Variants in NDUFAF6 observed in about 807,000 individuals in gnomAD.
NDUFAF6 encodes NADH dehydrogenase (ubiquinone) complex I, assembly factor 6.
Under a neutral mutation model 40.8 loss-of-function variants are expected in NDUFAF6, and 45 were observed. The ratio of observed to expected loss-of-function variants is 1.10; its 90% confidence interval spans 0.87 to 1.42. NDUFAF6 has a LOEUF of 1.42. Ranked by LOEUF, NDUFAF6 falls within the 40% of genes most tolerant of loss-of-function variation. The pLI, the probability that NDUFAF6 is intolerant of heterozygous loss-of-function variation, is 0.00. For missense variants in NDUFAF6, 435 were observed against 418.5 expected, an observed-to-expected ratio of 1.04 and a Z score of -0.34; for synonymous variants, 185 against 155.9, an observed-to-expected ratio of 1.19 and a Z score of -1.39.
chr8:95,098,386 G>A (rs1809537556), upstream of NDUFAF6, among the ~76,000 whole-genome samples: 1 of 151,468 alleles, frequency 6.6e-6, no homozygotes, highest in Admixed American at 6.6e-5. Context: ...TGTATGTCTT[G>A]GCCAGGTGCA....
chr8:94,905,157 G>A (rs1233257393), intron 1 of NDUFAF6, among the ~76,000 whole-genome samples: 7 of 152,024 alleles, frequency 4.6e-5, no homozygotes, highest in East Asian at 1.9e-4. Flanking sequence ...CTGAGATTGC[G>A]GCATTGCACT....
At chr8:95,079,719 CTT>C (rs11440357), downstream of NDUFAF6, among the ~76,000 whole-genome samples, 2 of 146,550 alleles carry the variant, frequency 1.4e-5, no homozygotes, top group Non-Finnish European at 1.5e-5. Flanking sequence ...TTTTTTTAGA[CTT>C]TTTTTTTTTT....
At chr8:94,904,860 C>G (rs4570121) in intron 1 of NDUFAF6, among the ~76,000 whole-genome samples, 1 of 151,828 alleles carries the variant, frequency 6.6e-6, no homozygotes, top group African/African-American at 2.4e-5. Context: ...CTGTCATTGC[C>G]TTATTACATT....
At chr8:95,016,931 C>CTTT (rs34316218) in intron 2 of NDUFAF6, among the ~76,000 whole-genome samples, 12 of 108,044 alleles carry the variant, frequency 1.1e-4, no homozygotes, top group Non-Finnish European at 1.3e-4. Context: ...TCCTCCTCCT[C>CTTT]TTTTTTTTTT....
chr8:94,967,384 G>T (rs1296396016), intron 1 of NDUFAF6, among the ~76,000 whole-genome samples: 1 of 152,150 alleles, frequency 6.6e-6, no homozygotes, highest in Non-Finnish European at 1.5e-5. Flanking sequence ...TCCACAGCAA[G>T]ACTGACCATC....
intron 3 of NDUFAF6, chr8:95,036,512 T>G: frequency 7.8e-7 from 1 of 1,287,752 alleles, no homozygotes; most frequent in South Asian, 1.2e-5. Flanking sequence ...TTAGATTAGT[T>G]CTTTACCTCT....
At chr8:94,998,138 C>T (rs191354959) in intron 2 of NDUFAF6, among the ~76,000 whole-genome samples, 1 of 152,164 alleles carries the variant, frequency 6.6e-6, no homozygotes, top group East Asian at 1.9e-4. Context: ...AACAATTTTG[C>T]CTTTCTATAT....
At chr8:95,110,802 C>T (rs1020236020) in intron 4 of NDUFAF6, among the ~76,000 whole-genome samples, 1 of 152,224 alleles carries the variant, frequency 6.6e-6, no homozygotes, top group Non-Finnish European at 1.5e-5. Flanking sequence ...TTATTTTGCT[C>T]CATCAAGGTG....
intron 2 of NDUFAF6, chr8:94,949,468 CCCCGGGGCCGCCCTGCG>C (rs1166742068): frequency 6.6e-6 from 1 of 151,894 alleles, no homozygotes; most frequent in East Asian, 1.9e-4. Flanking sequence ...GGTGCGGGGG[CCCCGGGGCCGCCCTGCG>C]AGAGGTTGTC....
At chr8:95,020,176 G>A (rs1399077800), upstream of NDUFAF6, among the ~76,000 whole-genome samples, 2 of 152,222 alleles carry the variant, frequency 1.3e-5, no homozygotes, top group African/African-American at 4.8e-5. Context: ...TCCAGCCTGG[G>A]CGACAAGAGT....
At chr8:95,013,769 T>G (rs773027001) in intron 2 of NDUFAF6, among the ~76,000 whole-genome samples, 1 of 152,154 alleles carries the variant, frequency 6.6e-6, no homozygotes, top group Non-Finnish European at 1.5e-5. Flanking sequence ...GCAGCATAAG[T>G]GGAGGGTTAC....
chr8:95,115,139 T>G (rs146904920), intron 4 of NDUFAF6, among the ~76,000 whole-genome samples: 83 of 152,302 alleles, frequency 5.4e-4, no homozygotes, highest in African/African-American at 1.9e-3. Flanking sequence ...CTTGCCAAAT[T>G]GCCAACTCTT....
At chr8:94,918,711 C>T (rs1819299410) in intron 1 of NDUFAF6, among the ~76,000 whole-genome samples, 1 of 152,138 alleles carries the variant, frequency 6.6e-6, no homozygotes, top group Non-Finnish European at 1.5e-5. Context: ...CCTTTGCTTC[C>T]TCCTCCTTTT....
intron 8 of NDUFAF6, among the ~76,000 whole-genome samples, chr8:95,057,293 G>A (rs1832301606): frequency 6.6e-6 from 1 of 152,204 alleles, no homozygotes; most frequent in African/African-American, 2.4e-5. Flanking sequence ...ACTTTGTCAA[G>A]TTTTTTGTGG....
At chr8:94,916,816 CAA>C (rs549687775) in intron 1 of NDUFAF6, among the ~76,000 whole-genome samples, 7 of 96,680 alleles carry the variant, frequency 7.2e-5, no homozygotes, top group Admixed American at 1.2e-4. Context: ...GACTCCATAT[CAA>C]AAAAAAAAAA....
chr8:94,997,343 C>CACACACACACAGAG lies in NDUFAF6; in HGVS notation c.-84+16371_-84+16372insCACACACACAGAGA, dbSNP rs1242904810. On this transcript the variant is annotated intron_variant, in intron 2 of 9. Coordinates refer to the NDUFAF6 transcript ENST00000396111. Reference sequence around the variant, plus strand: ...ACACACACACACACACACACACACACAGAGAGAGAGAGAGAGAGAGAGACA... The same window carrying CACACACACACAGAG: ...ACACACACACACACACACACACACACACACACACACAGAGAGAGAGAGAGAGAGAGAGAGAGACA... Among the ~76,000 whole-genome samples, 374 of 90,560 alleles carry CACACACACACAGAG rather than the reference C, an allele frequency of 4.1e-3. 2 individuals are homozygous for CACACACACACAGAG. The highest frequency in any genetic ancestry group is 5.9e-3 in the Admixed American group (38 of 6,462). The allele number at this position is 90,560 out of a possible 152,430, so 59.4% of individuals were successfully genotyped here.
intron 1 of NDUFAF6, chr8:94,927,817 T>C (rs1820032243): frequency 6.6e-6 from 1 of 152,580 alleles, no homozygotes; most frequent in Admixed American, 6.5e-5. Flanking sequence ...GTTAACAGTT[T>C]AGAGCTACTA....
chr8:95,053,267 A>G (rs528208713), intron 8 of NDUFAF6, among the ~76,000 whole-genome samples: 47 of 152,336 alleles, frequency 3.1e-4, no homozygotes, highest in African/African-American at 1.1e-3. Flanking sequence ...AGTTCTCACA[A>G]TTCTACCGTA....
At chr8:94,997,951 G>GT (rs1826531308) in intron 2 of NDUFAF6, among the ~76,000 whole-genome samples, 1 of 152,088 alleles carries the variant, frequency 6.6e-6, no homozygotes, top group African/African-American at 2.4e-5. Context: ...AAAGATTGAG[G>GT]TTTTCTTATT....
Sources: allele counts gnomAD v4.1 joint callset (sites outside exome capture counted in the v4.1 genomes callset), GRCh38; gene constraint gnomAD v4.1.1; transcripts MANE v1.5; gene names NCBI Gene and HGNC (gene_info 2026-07-23, HGNC 2026-07-21).